Variants in CLYBL observed in about 807,000 individuals in gnomAD.
CLYBL encodes citramalyl-CoA lyase, mitochondrial.
In CLYBL, 31 loss-of-function variants were observed where a neutral mutation model predicts 38.9. The observed-to-expected ratio is 0.80, with a 90% confidence interval of 0.60 to 1.08. The LOEUF is 1.08. Ranked by LOEUF, CLYBL falls within the 50% of genes least tolerant of loss-of-function variation. The pLI, the probability that CLYBL is intolerant of heterozygous loss-of-function variation, is 0.00. For synonymous variants in CLYBL, 171 were observed against 158.6 expected, an observed-to-expected ratio of 1.08 and a Z score of -0.59; for missense variants, 434 against 411.6, an observed-to-expected ratio of 1.05 and a Z score of -0.47.
Position 99,609,620 on chromosome 13 carries a change from T to G in CLYBL, c.62+2863T>G, listed in dbSNP as rs531675958. On this transcript the variant is annotated intron_variant, in intron 1 of 8. Transcript: ENST00000339105. The stretch of plus-strand genomic sequence containing the variant: ...GGTGCAATCTGGGCTCACTACAACC[T>G]CTGCCTCCTGGGCTCAAGCTGTCCT... Among the ~76,000 whole-genome samples, 100 of 152,332 alleles carry G rather than the reference T, an allele frequency of 6.6e-4. 1 individual carries two copies. The highest frequency in any genetic ancestry group is 2.3e-3 in the African/African-American group (94 of 41,576).
At chr13:99,676,662 C>T (rs1031957681) in intron 1 of CLYBL, among the ~76,000 whole-genome samples, 4 of 151,366 alleles carry the variant, frequency 2.6e-5, no homozygotes, top group East Asian at 2.0e-4. Context: ...GGCACAATCT[C>T]GACTTACTGC....
intron 2 of CLYBL, among the ~76,000 whole-genome samples, chr13:99,833,917 G>A (rs1012252613): frequency 6.6e-6 from 1 of 151,922 alleles, no homozygotes; most frequent in Non-Finnish European, 1.5e-5. Context: ...GGCCAGGATG[G>A]TCTCGGTCTC....
chr13:99,851,342 G>C (rs1206389249), intron 2 of CLYBL, among the ~76,000 whole-genome samples: 2 of 139,874 alleles, frequency 1.4e-5, no homozygotes, highest in African/African-American at 5.4e-5. Context: ...ACTCCAGCCT[G>C]GGCAACAAGA....
chr13:99,812,952 A>G (rs2050371796), intron 2 of CLYBL, among the ~76,000 whole-genome samples: 2 of 152,222 alleles, frequency 1.3e-5, no homozygotes, highest in Admixed American at 1.3e-4. Flanking sequence ...GATTGTGAAA[A>G]TGAATGTTTT....
intron 1 of CLYBL, among the ~76,000 whole-genome samples, chr13:99,674,126 T>C (rs1344460683): frequency 6.6e-6 from 1 of 151,470 alleles, no homozygotes; most frequent in Non-Finnish European, 1.5e-5. Context: ...TTCGTTTTTT[T>C]TTAGCTACTA....
At chr13:99,743,328 AG>A (rs1345579502) in intron 1 of CLYBL, among the ~76,000 whole-genome samples, 184 of 152,340 alleles carry the variant, frequency 1.2e-3, no homozygotes, top group African/African-American at 4.3e-3. Context: ...GTGGGAACAA[AG>A]GGAAAGAGGA....
intron 1 of CLYBL, among the ~76,000 whole-genome samples, chr13:99,714,601 AGT>A (rs1005812769): frequency 6.6e-6 from 1 of 151,952 alleles, no homozygotes; most frequent in African/African-American, 2.4e-5. Flanking sequence ...TGGGTGACAG[AGT>A]GAGACTCCGT....
chr13:99,907,033 A>T (rs2052704895), intron 9 of CLYBL, among the ~76,000 whole-genome samples: 1 of 152,254 alleles, frequency 6.6e-6, no homozygotes. Flanking sequence ...CATCATGTAA[A>T]TTACAGAGGT....
At chr13:99,886,763 A>C (rs887558543) in intron 7 of CLYBL, among the ~76,000 whole-genome samples, 2 of 152,258 alleles carry the variant, frequency 1.3e-5, no homozygotes. Context: ...GCAGGCCCTC[A>C]GATCGTCCCT....
chr13:99,881,117 A>G (rs981320644), intron 7 of CLYBL, among the ~76,000 whole-genome samples: 1 of 152,196 alleles, frequency 6.6e-6, no homozygotes, highest in Non-Finnish European at 1.5e-5. Context: ...AATTATTTAA[A>G]GGGCTTCTCC....
At chr13:99,773,235 A>T (rs1348942683) in intron 2 of CLYBL, among the ~76,000 whole-genome samples, 1 of 152,240 alleles carries the variant, frequency 6.6e-6, no homozygotes, top group Admixed American at 6.5e-5. Context: ...GACCTTCAGT[A>T]GATGAGACTA....
At chr13:99,736,186 A>G (rs578194054) in intron 1 of CLYBL, among the ~76,000 whole-genome samples, 2 of 151,074 alleles carry the variant, frequency 1.3e-5, no homozygotes, top group Non-Finnish European at 3.0e-5. Context: ...TTGGGATTAC[A>G]GGCACCCGCC....
intron 1 of CLYBL, among the ~76,000 whole-genome samples, chr13:99,629,716 A>T (rs2046917015): frequency 6.6e-6 from 1 of 152,136 alleles, no homozygotes; most frequent in African/African-American, 2.4e-5. Flanking sequence ...CACAGATGGG[A>T]TTGGGCTGGA....
chr13:99,847,530 C>T (rs1319495748), intron 2 of CLYBL, among the ~76,000 whole-genome samples: 1 of 152,184 alleles, frequency 6.6e-6, no homozygotes, highest in East Asian at 1.9e-4. Flanking sequence ...AGGCAGCTAC[C>T]TTCTCTTTCC....
chr13:99,897,354 T>C (rs2052594062), downstream of CLYBL, among the ~76,000 whole-genome samples: 1 of 152,184 alleles, frequency 6.6e-6, no homozygotes, highest in Non-Finnish European at 1.5e-5. Flanking sequence ...CGCAGGGAAC[T>C]GGAAACCTGT....
At chr13:99,862,191 T>C (rs1309179386) in intron 3 of CLYBL, among the ~76,000 whole-genome samples, 6 of 152,236 alleles carry the variant, frequency 3.9e-5, no homozygotes. Flanking sequence ...CATCTTTATT[T>C]ACAAAAATAC....
intron 2 of CLYBL, among the ~76,000 whole-genome samples, chr13:99,809,339 G>GC (rs1311461588): frequency 6.6e-6 from 1 of 152,196 alleles, no homozygotes; most frequent in Non-Finnish European, 1.5e-5. Flanking sequence ...ACTTCTGGGA[G>GC]CCTCCCTTCT....
intron 2 of CLYBL, among the ~76,000 whole-genome samples, chr13:99,789,782 A>C (rs1033322817): frequency 6.6e-6 from 1 of 152,122 alleles, no homozygotes; most frequent in African/African-American, 2.4e-5. Flanking sequence ...TGATCTGTCT[A>C]ATGTTGACTG....
chr13:99,608,399 G>C (rs1023195921), intron 1 of CLYBL, among the ~76,000 whole-genome samples: 16 of 152,256 alleles, frequency 1.1e-4, no homozygotes, highest in African/African-American at 3.9e-4. Flanking sequence ...ACGTCTTCTT[G>C]CACTGTGACT....
Sources: gnomAD v4.1 joint callset for allele counts (sites outside exome capture counted in the v4.1 genomes callset) on GRCh38, gnomAD v4.1.1 for gene constraint, MANE v1.5 for transcripts, NCBI Gene and HGNC (gene_info 2026-07-23, HGNC 2026-07-21) for gene names.